Variants in THOP1 observed in about 807,000 individuals in gnomAD.
THOP1 encodes the protein thimet oligopeptidase.
In THOP1, 49 loss-of-function variants were observed where a neutral mutation model predicts 71.8. That is an observed-to-expected ratio of 0.68 (90% CI 0.54 to 0.87). THOP1 has a LOEUF of 0.87. Among genes scored for constraint, THOP1 ranks in the 40% least tolerant of loss-of-function variants. The pLI, the probability that THOP1 is intolerant of heterozygous loss-of-function variation, is 0.00. For synonymous variants in THOP1, 426 were observed against 421.5 expected, an observed-to-expected ratio of 1.01 and a Z score of -0.13; for missense variants, 843 against 975.6, an observed-to-expected ratio of 0.86 and a Z score of 1.81.
intron 4 of THOP1, among the ~76,000 whole-genome samples, chr19:2,796,600 G>A (rs138606009): frequency 0.012 from 1,791 of 150,254 alleles, 16 homozygotes; most frequent in Non-Finnish European, 0.019. Flanking sequence ...TCGGCATGGG[G>A]AGTACTGGGC....
intron 1 of THOP1, among the ~76,000 whole-genome samples, chr19:2,786,780 T>TTTTTTTTTTTTTG (rs1568317132): frequency 6.8e-6 from 1 of 147,774 alleles, no homozygotes. Flanking sequence ...TTTTTTTTTT[T>TTTTTTTTTTTTTG]GGAGATAGAG....
intron 4 of THOP1, among the ~76,000 whole-genome samples, chr19:2,797,576 C>T (rs1448541157): frequency 6.6e-6 from 1 of 152,258 alleles, no homozygotes; most frequent in Admixed American, 6.5e-5. Flanking sequence ...ATCCGATAGC[C>T]TTTGCCTTCG....
intron 12 of THOP1, among the ~76,000 whole-genome samples, chr19:2,812,560 G>A (rs1202581090): frequency 6.6e-5 from 10 of 152,206 alleles, no homozygotes; most frequent in Admixed American, 5.2e-4. Context: ...TCTGAGGACC[G>A]GCCGGGGGCT....
chr19:2,790,864 G>C (rs1210381130), intron 2 of THOP1, among the ~76,000 whole-genome samples: 1 of 152,238 alleles, frequency 6.6e-6, no homozygotes, highest in African/African-American at 2.4e-5. Context: ...GTGTAGGAGA[G>C]AGGCAGTTCC....
intron 7 of THOP1, 36 bp from the exon 8 acceptor site, chr19:2,807,406 C>A: frequency 6.5e-7 from 1 of 1,538,272 alleles, no homozygotes; most frequent in Non-Finnish European, 8.8e-7. Context: ...GAGGAGCCCG[C>A]GAGGCGAGAG....
At chr19:2,810,189 A>C (rs1916420803) in intron 9 of THOP1, 115 bp from the exon 10 acceptor site, 52 of 1,274,422 alleles carry the variant, frequency 4.1e-5, no homozygotes, top group African/African-American at 1.2e-4. Flanking sequence ...GGCCGGGCCC[A>C]GCGCATCACC....
At chr19:2,802,500 G>A (rs1412015630) in intron 5 of THOP1, among the ~76,000 whole-genome samples, 6 of 108,012 alleles carry the variant, frequency 5.6e-5, no homozygotes, top group South Asian at 3.6e-4. Context: ...AACACCTCCC[G>A]ACACCAACAC....
At chr19:2,791,112 G>A (rs1472866656) in intron 2 of THOP1, among the ~76,000 whole-genome samples, 3 of 152,162 alleles carry the variant, frequency 2.0e-5, no homozygotes, top group Non-Finnish European at 2.9e-5. Flanking sequence ...TGCGCCCTCC[G>A]GCGGGGGTGA....
Position 2,785,528 on chromosome 19 carries a change from G to A in THOP1, c.-135G>A. On this transcript the variant is annotated 5_prime_UTR_variant, in exon 1 of 13. Coordinates refer to ENST00000307741, the MANE Select transcript of THOP1 (RefSeq NM_003249.5). ...AGCATGCCCCGGGAGCGCGGGCGGC[G>A]GGCCCCTTGGTCCTCAGGCGGCCGT... is the stretch of plus-strand genomic sequence containing the variant. 1 of 1,006,278 alleles carries A rather than the reference G, an allele frequency of 9.9e-7. No homozygotes were observed. Among genetic ancestry groups the A allele is most frequent in the Non-Finnish European group, 1.3e-6 (1 of 762,088 alleles). The allele number at this position is 1,006,278 out of a possible 1,614,324, so 62.3% of individuals were successfully genotyped here. A position where few individuals can be genotyped will look rare whatever the true frequency, so the allele number is the denominator to read the frequency against.
At position 2,810,348 on chromosome 19, in the gene THOP1, T is replaced by C. The variant is rs2144783880; in HGVS notation, c.1500T>C (p.Phe500=). 6.2e-7 allele frequency: 1 copy of C among 1,611,798 alleles called. No individual in the cohort carries two copies. Among genetic ancestry groups the C allele is most frequent in the Non-Finnish European group, 8.5e-7 (1 of 1,179,696 alleles). ...MFSGTHVERD[F]VEAPSQMLEN... is the part of the protein sequence containing the mutation. ...GCGGGACCCACGTGGAGCGGGACTT[T>C]GTGGAGGCGCCGTCGCAGATGCTGG... The change falls in exon 10 of 13, where the codon TTT becomes TTC. Residue 500 remains phenylalanine, a synonymous_variant. Coordinates refer to ENST00000307741, the MANE Select transcript of THOP1 (RefSeq NM_003249.5).
chr19:2,800,226 C>T (rs1465793619), intron 5 of THOP1, among the ~76,000 whole-genome samples: 2 of 152,162 alleles, frequency 1.3e-5, no homozygotes, highest in African/African-American at 2.4e-5. Flanking sequence ...TGCTCTGTTG[C>T]CCAGGCTGGA....
intron 2 of THOP1, among the ~76,000 whole-genome samples, chr19:2,791,321 A>G (rs1915872941): frequency 6.6e-6 from 1 of 151,956 alleles, no homozygotes. Flanking sequence ...GAGTGAGGCA[A>G]CTCCCCACCC....
chr19:2,805,169 G>T lies in THOP1; in HGVS notation c.743G>T (p.Cys248Phe), dbSNP rs2144776052. Residue 248 changes from cysteine to phenylalanine, a missense_variant, in exon 6 of 13, where the codon TGC becomes TTC. By Grantham distance (205) the Cys-to-Phe change is radical. Coordinates refer to ENST00000307741, the MANE Select transcript of THOP1 (RefSeq NM_003249.5). The surrounding 1 kb of genome is among the most constrained non-coding windows in gnomAD (Gnocchi z 6.6). ...GTGGAGGAGGCCTTCAACTGCCGGTGCAAGGAGGTGAGAAGGCACGGCCAG... is the reference window on the plus strand; with the variant it reads ...GTGGAGGAGGCCTTCAACTGCCGGTTCAAGGAGGTGAGAAGGCACGGCCAG... ...RKVEEAFNCR[C>F]KEENCAILKE... The T allele has an allele frequency of 4.3e-6, 7 of 1,611,566 alleles. No individual in the cohort carries two copies. Among genetic ancestry groups the T allele is most frequent in the Non-Finnish European group, 5.9e-6 (7 of 1,179,338 alleles).
rs143946625 is a variant in THOP1, at chr19:2,787,416, C to T, written c.16+1738C>T. Among the ~76,000 whole-genome samples the T allele has an allele frequency of 2.1e-3, 316 of 152,236 alleles. 4 individuals are homozygous for T. Among genetic ancestry groups the T allele is most frequent in the Non-Finnish European group, 1.1e-3 (76 of 68,032 alleles). On this transcript the variant is annotated intron_variant, in intron 1 of 12. Coordinates refer to ENST00000307741, the MANE Select transcript of THOP1 (RefSeq NM_003249.5). ...CCTTGGCACAATCAGTAAATATTTA[C>T]AGGATGAACTGACGTCCACAAGTTT...
Position 2,804,822 on chromosome 19 carries a change from G to A in THOP1, c.590-194G>A, listed in dbSNP as rs1330175328. On this transcript the variant is annotated intron_variant, in intron 5 of 12. Coordinates refer to ENST00000307741, the MANE Select transcript of THOP1 (RefSeq NM_003249.5). This position sits in a 1 kb window ranked among gnomAD's most constrained non-coding sequence, Gnocchi z 4.7. The stretch of plus-strand genomic sequence containing the variant: ...CAGGTGGTGGCCAGGCTGTGGGGGA[G>A]CCAGGGTATTTCTTGATGGGGTTAG... Among the ~76,000 whole-genome samples, 1 of 152,098 alleles carries A rather than the reference G, an allele frequency of 6.6e-6. No individual in the cohort carries two copies. The highest frequency in any genetic ancestry group is 2.4e-5 in the African/African-American group (1 of 41,392).
chr19:2,803,691 C>A (rs145285845), intron 5 of THOP1, among the ~76,000 whole-genome samples: 2,159 of 152,290 alleles, frequency 0.014, 21 homozygotes, highest in Non-Finnish European at 0.022. Flanking sequence ...AGGCCTCCCC[C>A]TCATGCTGCA....
chr19:2,794,109 G>A (rs1233569586), intron 2 of THOP1, among the ~76,000 whole-genome samples: 4 of 151,876 alleles, frequency 2.6e-5, no homozygotes, highest in Non-Finnish European at 5.9e-5. Context: ...CCACCTCCCG[G>A]GTTCAAGCTA....
At position 2,805,322 on chromosome 19, in the gene THOP1, T is replaced by C; in HGVS notation, c.750+146T>C. 1 of 1,004,578 alleles carries C rather than the reference T, an allele frequency of 1.0e-6. No individual in the cohort carries two copies. Among genetic ancestry groups the C allele is most frequent in the Non-Finnish European group, 1.4e-6 (1 of 705,748 alleles). 62.2% of individuals were successfully genotyped at this position (1,004,578 alleles called of 1,614,324 possible). On this transcript the variant is annotated intron_variant, in intron 6 of 12. Coordinates refer to ENST00000307741, the MANE Select transcript of THOP1 (RefSeq NM_003249.5). This position sits in a 1 kb window ranked among gnomAD's most constrained non-coding sequence, Gnocchi z 6.6. ...CCAGGCCCAGTGGCCAGCAGAGGCC[T>C]CCCTGTGGGGCTCTGCCGTGCCCTG...
At chr19:2,788,054 C>G (rs1466863535) in intron 1 of THOP1, among the ~76,000 whole-genome samples, 1 of 152,160 alleles carries the variant, frequency 6.6e-6, no homozygotes, top group Non-Finnish European at 1.5e-5. Context: ...ATGTCCCCGG[C>G]CCCAAGACTT....
Sources: allele counts gnomAD v4.1 joint callset (sites outside exome capture counted in the v4.1 genomes callset), GRCh38; gene constraint gnomAD v4.1.1; non-coding constraint Gnocchi (gnomAD v3.1); transcripts MANE v1.5; gene names NCBI Gene and HGNC (gene_info 2026-07-23, HGNC 2026-07-21).